Variants in RBL1 observed in about 807,000 individuals in gnomAD.
RBL1 encodes the protein retinoblastoma-like protein 1.
Under a neutral mutation model 123.0 loss-of-function variants are expected in RBL1, and 82 were observed. The observed-to-expected ratio is 0.67, with a 90% CI of 0.56 to 0.80. RBL1 has a LOEUF of 0.80. Among genes scored for constraint, RBL1 ranks in the 30% least tolerant of loss-of-function variants. The probability of loss-of-function intolerance (pLI) is 0.00; values close to 1 mark genes in which losing one functional copy is unlikely to be tolerated. For synonymous variants in RBL1, 405 were observed against 441.3 expected (o/e 0.92, Z 1.03); for missense variants, 1,171 against 1,299.6 (o/e 0.90, Z 1.52).
chr20:37,024,657 G>A (rs904733376), intron 16 of RBL1, among the ~76,000 whole-genome samples: 2 of 152,086 alleles, frequency 1.3e-5, no homozygotes, highest in African/African-American at 2.4e-5. Flanking sequence ...TCTAATCTAT[G>A]AGCAGGTTAT....
At chr20:37,059,857 CAA>C (rs752212706) in intron 9 of RBL1, among the ~76,000 whole-genome samples, 1 of 145,120 alleles carries the variant, frequency 6.9e-6, no homozygotes, top group Non-Finnish European at 1.5e-5. Flanking sequence ...CCTTAAAAAA[CAA>C]AAAAAAAAAC....
chr20:37,077,493 G>A (rs1647959585), intron 2 of RBL1, among the ~76,000 whole-genome samples: 1 of 152,102 alleles, frequency 6.6e-6, no homozygotes, highest in African/African-American at 2.4e-5. Flanking sequence ...TGAGTAAGAA[G>A]AAATTCTACC....
rs113208010 is a variant in RBL1 at position 37,028,305 on chromosome 20, T to C, written c.2382+4360A>G. On this transcript the variant is annotated intron_variant, in intron 16 of 21. Transcript: ENST00000373664. ...GCTTGAACCTGGGAGACAGAAGCTGTAGTGAGCCGAGATCACGCTACTGCA... is the reference window on the plus strand; with the variant it reads ...GCTTGAACCTGGGAGACAGAAGCTGCAGTGAGCCGAGATCACGCTACTGCA... Among the ~76,000 whole-genome samples the C allele has an allele frequency of 3.2e-3, 487 of 152,118 alleles. 6 individuals carry two copies. The highest frequency in any genetic ancestry group is 0.011 in the African/African-American group (474 of 41,486).
chr20:37,072,974 T>C (rs1341173109), intron 2 of RBL1, among the ~76,000 whole-genome samples: 7 of 152,128 alleles, frequency 4.6e-5, no homozygotes, highest in Admixed American at 4.6e-4. Context: ...TTTTTTGAGA[T>C]AGGGTCCCGC....
At chr20:37,070,494 AC>A (rs964433631) in intron 2 of RBL1, among the ~76,000 whole-genome samples, 133 of 151,962 alleles carry the variant, frequency 8.8e-4, no homozygotes, top group African/African-American at 3.0e-3. Context: ...AAAAAAAAAA[AC>A]ATAAAATAAA....
In RBL1 at chr20:37,067,133, A is replaced by G. The variant is rs774281362; in HGVS notation, c.557-12T>C. ...CATCCGAAAATTACCTTTATAAGGG[A>G]AAAAAAAAAAAAAAAGACACAAAAA... On this transcript the variant is annotated splice_polypyrimidine_tract_variant and intron_variant, in intron 4 of 21. Coordinates refer to ENST00000373664, the MANE Select transcript of RBL1 (RefSeq NM_002895.5). 1,192 of 189,712 alleles carry G rather than the reference A, an allele frequency of 6.3e-3. 2 individuals are homozygous for G. Among genetic ancestry groups the G allele is most frequent in the African/African-American group, 0.011 (382 of 35,114 alleles). The allele number at this position is 189,712 out of a possible 1,614,324, so 11.8% of individuals were successfully genotyped here. A position where few individuals can be genotyped will look rare whatever the true frequency, so the allele number is the denominator to read the frequency against.
chr20:37,042,901 C>G (rs993838356), intron 13 of RBL1, among the ~76,000 whole-genome samples: 12 of 110,102 alleles, frequency 1.1e-4, no homozygotes, highest in South Asian at 3.4e-4. Context: ...CTTGTCCCCC[C>G]CCCTCCAAAA....
intron 21 of RBL1, among the ~76,000 whole-genome samples, chr20:36,999,437 C>CT (rs2063927200): frequency 7.0e-6 from 1 of 142,784 alleles, no homozygotes; most frequent in South Asian, 2.2e-4. Flanking sequence ...TCCCTCCTCT[C>CT]CCTCTCCCTC....
intron 6 of RBL1, among the ~76,000 whole-genome samples, 184 bp from the exon 7 acceptor site, chr20:37,065,657 T>C (rs2065166989): frequency 6.6e-6 from 1 of 152,152 alleles, no homozygotes; most frequent in Non-Finnish European, 1.5e-5. Flanking sequence ...AACTTTTTTT[T>C]TTTTTTGAGA....
At chr20:37,014,616 T>C (rs770663410) in intron 19 of RBL1, among the ~76,000 whole-genome samples, 8 of 151,644 alleles carry the variant, frequency 5.3e-5, no homozygotes, top group Non-Finnish European at 1.0e-4. Context: ...CTTGGCAACA[T>C]GGTGAAACCC....
At chr20:37,093,645 A>C (rs1206609170) in intron 1 of RBL1, among the ~76,000 whole-genome samples, 1 of 136,322 alleles carries the variant, frequency 7.3e-6, no homozygotes, top group Non-Finnish European at 1.6e-5. Context: ...GTTTCTTTCC[A>C]TTTTTTTTTT....
chr20:37,045,233 G>A (rs137959832), intron 12 of RBL1, among the ~76,000 whole-genome samples: 3,070 of 151,636 alleles, frequency 0.02, 108 homozygotes, highest in African/African-American at 0.071. Context: ...CAGCCTCCCG[G>A]GTAGCTGGGA....
In RBL1 at chr20:36,998,789, C is replaced by G. The variant is rs760092905; in HGVS notation, c.3177G>C (p.Gln1059His). The change falls in exon 22 of 22, where the codon CAG (glutamine) becomes CAC (histidine). Residue 1059 changes from glutamine to histidine, a missense_variant. Physicochemically the swap from Gln to His is conservative, Grantham distance 24 (BLOSUM62 0). Coordinates refer to ENST00000373664, the MANE Select transcript of RBL1 (RefSeq NM_002895.5). ...ENDDVLLKRL[Q>H]DVVSERANH The stretch of plus-strand genomic sequence containing the variant: ...GATTTGCTCTTTCACTGACAACATC[C>G]TGTAGTCGTTTCAGTAAAACGTCAT... 6.2e-7 allele frequency: 1 copy of G among 1,613,276 alleles called. No individual in the cohort carries two copies. Among genetic ancestry groups the G allele is most frequent in the Non-Finnish European group, 8.5e-7 (1 of 1,179,668 alleles).
At chr20:37,050,535 ACT>A (rs1366570362) in intron 11 of RBL1, among the ~76,000 whole-genome samples, 1 of 120,438 alleles carries the variant, frequency 8.3e-6, no homozygotes. Flanking sequence ...GCAGAGCAAG[ACT>A]CTGTCTCAAA....
chr20:37,069,067 T>C (rs1243955251), intron 2 of RBL1, among the ~76,000 whole-genome samples: 2 of 152,258 alleles, frequency 1.3e-5, no homozygotes. Flanking sequence ...CTCCAGCCCC[T>C]AACCGCAAGT....
intron 19 of RBL1, among the ~76,000 whole-genome samples, chr20:37,011,865 C>T (rs958690451): frequency 1.3e-5 from 2 of 152,128 alleles, no homozygotes; most frequent in Non-Finnish European, 2.9e-5. Flanking sequence ...ACTCCCTCTC[C>T]CACTCCCTCT....
At chr20:37,001,101 T>C (rs371418188) in intron 21 of RBL1, among the ~76,000 whole-genome samples, 11,553 of 111,730 alleles carry the variant, frequency 0.1, no homozygotes, top group African/African-American at 0.13. Context: ...GCCTGGCCAG[T>C]CGCCCTGTCC....
At chr20:37,051,050 T>C (rs1238105250) in intron 11 of RBL1, among the ~76,000 whole-genome samples, 1 of 152,184 alleles carries the variant, frequency 6.6e-6, no homozygotes, top group Admixed American at 6.6e-5. Context: ...TCTTGCTATG[T>C]TGCCTAGGTT....
intron 2 of RBL1, chr20:37,081,937 C>T (rs1299893662): frequency 2.2e-6 from 1 of 454,802 alleles, no homozygotes; most frequent in African/African-American, 2.0e-5. Flanking sequence ...ACCAAGGCTC[C>T]AATTATAATA....
Sources: gnomAD v4.1 joint callset for allele counts (sites outside exome capture counted in the v4.1 genomes callset) on GRCh38, gnomAD v4.1.1 for gene constraint, MANE v1.5 for transcripts, NCBI Gene and HGNC (gene_info 2026-07-23, HGNC 2026-07-21) for gene names.